MAP4K3: variants seen among roughly 807,000 people sequenced by gnomAD.
MAP4K3 encodes MAPK/ERK kinase kinase kinase 3.
Under a neutral mutation model 143.5 loss-of-function variants are expected in MAP4K3, and 94 were observed. The observed-to-expected ratio is 0.65, with a 90% CI of 0.55 to 0.78. The LOEUF is 0.78. Among genes scored for constraint, MAP4K3 ranks in the 30% least tolerant of loss-of-function variants. The probability of loss-of-function intolerance (pLI) is 0.00; values close to 1 mark genes in which losing one functional copy is unlikely to be tolerated. For synonymous variants in MAP4K3, 416 were observed against 347.2 expected, an observed-to-expected ratio of 1.20 and a Z score of -2.20; for missense variants, 1,077 against 1,068.1, an observed-to-expected ratio of 1.01 and a Z score of -0.12.
intron 8 of MAP4K3, 122 bp downstream of exon 8, chr2:39,331,795 T>C (rs1337845325): frequency 1.9e-6 from 1 of 526,484 alleles, no homozygotes; most frequent in Non-Finnish European, 3.4e-6. Context: ...CTGAATTACT[T>C]TGCCTGTTGA....
intron 1 of MAP4K3, among the ~76,000 whole-genome samples, chr2:39,418,815 G>A (rs1291947689): frequency 6.6e-6 from 1 of 151,924 alleles, no homozygotes; most frequent in African/African-American, 2.4e-5. Context: ...TTATCAAAAC[G>A]TCTGTGAAGC....
chr2:39,377,901 T>C (rs748497649), intron 2 of MAP4K3, among the ~76,000 whole-genome samples, 165 bp downstream of exon 2: 3 of 152,142 alleles, frequency 2.0e-5, no homozygotes, highest in Admixed American at 6.6e-5. Flanking sequence ...GCAAGGTGTG[T>C]TGTATGCAGA....
chr2:39,285,302 T>C (rs556567014), intron 21 of MAP4K3, among the ~76,000 whole-genome samples: 2 of 152,290 alleles, frequency 1.3e-5, no homozygotes, highest in Admixed American at 1.3e-4. Flanking sequence ...CAGTTCCTTA[T>C]CTTAATGAAG....
At chr2:39,410,673 T>C (rs187364681) in intron 1 of MAP4K3, among the ~76,000 whole-genome samples, 2 of 152,342 alleles carry the variant, frequency 1.3e-5, no homozygotes, top group East Asian at 1.9e-4. Flanking sequence ...GGTCTTTGCA[T>C]GGTGGAAGAC....
chr2:39,260,635 T>G lies in MAP4K3; in HGVS notation c.2279A>C (p.Asn760Thr). 6.2e-7 allele frequency: 1 copy of G among 1,614,112 alleles called. No homozygotes were observed. Among genetic ancestry groups the G allele is most frequent in the South Asian group, 1.1e-5 (1 of 91,072 alleles). ...QVVRFETVNP[N>T]STSSWFTESD... ...TTCTGTAAACCATGAAGAGGTAGAATTTGGATTGACCGTCTCAAATCGAAC... is the reference window on the plus strand; with the variant it reads ...TTCTGTAAACCATGAAGAGGTAGAAGTTGGATTGACCGTCTCAAATCGAAC... The change falls in exon 29 of 34, where the codon AAT becomes ACT. Residue 760 changes from asparagine to threonine, a missense_variant. This residue lies in a region of MAP4K3 where 864 missense variants were observed against 801.2 expected (regional missense o/e 1.08). Transcript: ENST00000263881.
rs574999888 is a variant in MAP4K3 at position 39,351,251 on chromosome 2, T to A, written c.245+4998A>T. ...CTCCTGAATATGTCACAGTTTTTCA[T>A]GCATGTGTTCCCTTTGCCAAAAATT... On this transcript the variant is annotated intron_variant, in intron 3 of 33. Coordinates refer to ENST00000263881, the MANE Select transcript of MAP4K3 (RefSeq NM_003618.4). Among the ~76,000 whole-genome samples the A allele has an allele frequency of 3.3e-5, 5 of 152,324 alleles. No individual in the cohort carries two copies. In the South Asian group the frequency reaches 1.0e-3, roughly 32 times the overall value.
chr2:39,319,156 A>G (rs1305574968), intron 12 of MAP4K3, among the ~76,000 whole-genome samples: 1 of 152,138 alleles, frequency 6.6e-6, no homozygotes, highest in Admixed American at 6.6e-5. Flanking sequence ...GCAAATGCCA[A>G]TACTTTCTGA....
intron 31 of MAP4K3, among the ~76,000 whole-genome samples, chr2:39,255,959 G>C (rs1335482067): frequency 6.6e-6 from 1 of 152,092 alleles, no homozygotes; most frequent in African/African-American, 2.4e-5. Context: ...TCTACCCATG[G>C]ACATGATGTA....
At chr2:39,368,329 T>C (rs918363418) in intron 2 of MAP4K3, among the ~76,000 whole-genome samples, 4 of 152,126 alleles carry the variant, frequency 2.6e-5, no homozygotes, top group African/African-American at 9.7e-5. Context: ...CAAAAAATTT[T>C]CTGTTTTTAT....
At chr2:39,425,659 T>G (rs1378931226) in intron 1 of MAP4K3, among the ~76,000 whole-genome samples, 3 of 150,698 alleles carry the variant, frequency 2.0e-5, no homozygotes, top group Admixed American at 6.7e-5. Flanking sequence ...TCCAGAACTG[T>G]GAGAAAATTA....
At chr2:39,394,567 G>C (rs1356349098) in intron 1 of MAP4K3, among the ~76,000 whole-genome samples, 1 of 152,120 alleles carries the variant, frequency 6.6e-6, no homozygotes, top group African/African-American at 2.4e-5. Flanking sequence ...TCAAAGGAAG[G>C]GGTGATAGTG....
intron 1 of MAP4K3, among the ~76,000 whole-genome samples, chr2:39,382,312 C>T (rs918544563): frequency 2.0e-5 from 3 of 152,220 alleles, no homozygotes; most frequent in African/African-American, 7.2e-5. Context: ...AGTAAAACAT[C>T]TGACCATCAT....
chr2:39,428,696 T>G (rs1345568953), intron 1 of MAP4K3, among the ~76,000 whole-genome samples: 2 of 152,024 alleles, frequency 1.3e-5, no homozygotes, highest in South Asian at 4.2e-4. Context: ...AAAAAAATCT[T>G]TGGATACATA....
intron 14 of MAP4K3, among the ~76,000 whole-genome samples, chr2:39,309,119 A>C (rs1682845010): frequency 6.6e-6 from 1 of 152,110 alleles, no homozygotes; most frequent in Non-Finnish European, 1.5e-5. Flanking sequence ...CGATTTTAAA[A>C]AAAATTTTAT....
intron 13 of MAP4K3, 84 bp from the exon 14 acceptor site, chr2:39,309,603 G>A (rs900447694): frequency 1.0e-5 from 7 of 695,064 alleles, no homozygotes; most frequent in Admixed American, 7.5e-5. Flanking sequence ...TGTCTCCCAC[G>A]CTGGAGTGCA....
At chr2:39,282,726 A>G (rs565838645) in intron 21 of MAP4K3, among the ~76,000 whole-genome samples, 172 bp from the exon 22 acceptor site, 4 of 152,352 alleles carry the variant, frequency 2.6e-5, no homozygotes, top group African/African-American at 9.6e-5. Context: ...CACTATTTCT[A>G]GTACTTGCCC....
At chr2:39,274,512 G>A (rs1247145919) in intron 24 of MAP4K3, among the ~76,000 whole-genome samples, 2 of 152,076 alleles carry the variant, frequency 1.3e-5, no homozygotes, top group African/African-American at 2.4e-5. Flanking sequence ...GAGCCATCGC[G>A]CCTGACCCTG....
intron 1 of MAP4K3, among the ~76,000 whole-genome samples, chr2:39,436,431 A>G (rs2148644256): frequency 6.6e-6 from 1 of 152,098 alleles, no homozygotes; most frequent in Non-Finnish European, 1.5e-5. Flanking sequence ...TCAGCATAGT[A>G]TAATAACTAC....
At chr2:39,265,795 C>T (rs1680740143) in intron 27 of MAP4K3, among the ~76,000 whole-genome samples, 1 of 152,040 alleles carries the variant, frequency 6.6e-6, no homozygotes, top group Non-Finnish European at 1.5e-5. Flanking sequence ...TTCTTATGGT[C>T]ACTAGAAAAC....
Sources: gnomAD v4.1 joint callset for allele counts (sites outside exome capture counted in the v4.1 genomes callset) on GRCh38, gnomAD v4.1.1 for gene constraint, gnomAD v4.1.1 regional missense constraint, MANE v1.5 for transcripts, NCBI Gene and HGNC (gene_info 2026-07-23, HGNC 2026-07-21) for gene names.